MEP1A: variants seen among roughly 807,000 people sequenced by gnomAD.
MEP1A encodes meprin A subunit alpha.
A neutral mutation model predicts 84.5 loss-of-function variants in MEP1A; 68 were observed. The observed-to-expected ratio is 0.80, with a 90% CI of 0.66 to 0.98. MEP1A has a LOEUF of 0.98. Ranked by LOEUF, MEP1A falls within the 50% of genes least tolerant of loss-of-function variation. The pLI, the probability that MEP1A is intolerant of heterozygous loss-of-function variation, is 0.00. For missense variants in MEP1A, 887 were observed against 919.9 expected (o/e 0.96, Z 0.46); for synonymous variants, 337 against 336.8 (o/e 1.00, Z -0.01).
intron 1 of MEP1A, 36 bp downstream of exon 1, chr6:46,793,503 A>G: frequency 1.3e-6 from 2 of 1,595,702 alleles, no homozygotes; most frequent in Non-Finnish European, 1.7e-6. Context: ...ATTTAGAAAT[A>G]TTAATTCTAG....
intron 5 of MEP1A, among the ~76,000 whole-genome samples, 160 bp downstream of exon 5, chr6:46,799,341 C>G (rs1207106036): frequency 6.6e-6 from 1 of 152,198 alleles, no homozygotes; most frequent in Non-Finnish European, 1.5e-5. Context: ...AACATTACAT[C>G]AAAAGCATTG....
chr6:46,835,884 G>A (rs915982424), intron 13 of MEP1A, among the ~76,000 whole-genome samples: 3 of 152,064 alleles, frequency 2.0e-5, no homozygotes, highest in African/African-American at 7.2e-5. Context: ...CATGAGGGTG[G>A]GTCTCAAGAC....
At chr6:46,808,294 CA>C (rs1767411714) in intron 5 of MEP1A, among the ~76,000 whole-genome samples, 1 of 151,952 alleles carries the variant, frequency 6.6e-6, no homozygotes, top group Admixed American at 6.6e-5. Context: ...GTGTAGTTTC[CA>C]CAATTAGTTT....
intron 7 of MEP1A, 113 bp downstream of exon 7, chr6:46,819,817 A>C (rs756305181): frequency 1.3e-5 from 15 of 1,146,980 alleles, no homozygotes; most frequent in Non-Finnish European, 1.9e-5. Flanking sequence ...GGGAAGAAAG[A>C]CTCTGAAGAG....
Position 46,793,429 on chromosome 6 carries a change from T to G in MEP1A, c.31T>G (p.Phe11Val). 1 of 1,599,810 alleles carries G rather than the reference T, an allele frequency of 6.3e-7. No homozygotes were observed. Among genetic ancestry groups the G allele is most frequent in the South Asian group, 1.1e-5 (1 of 87,322 alleles). Residue 11 changes from phenylalanine (F) to valine (V), a missense_variant, in exon 1 of 14, where the codon TTT (phenylalanine) becomes GTT (valine). Coordinates refer to ENST00000230588, the MANE Select transcript of MEP1A (RefSeq NM_005588.3). MAWIRSTCIL[F>V]FTLLFAHIAA... ...TTGGATTAGATCCACTTGCATTCTC[T>G]TTTTTACCTTGCTTTTTGCCCACAT... is the stretch of plus-strand genomic sequence containing the variant.
At chr6:46,803,247 A>G (rs762906039) in intron 5 of MEP1A, among the ~76,000 whole-genome samples, 6 of 151,624 alleles carry the variant, frequency 4.0e-5, no homozygotes, top group Non-Finnish European at 7.4e-5. Context: ...TAATTATAGA[A>G]TTATTCTTAT....
At chr6:46,801,515 C>T (rs1441562584) in intron 5 of MEP1A, among the ~76,000 whole-genome samples, 2 of 151,848 alleles carry the variant, frequency 1.3e-5, no homozygotes, top group Non-Finnish European at 2.9e-5. Context: ...GGCTAAAGCC[C>T]TTTTTCAGAT....
chr6:46,807,840 G>GAAAGAAAGAAAGA lies in MEP1A; in HGVS notation c.263-1578_263-1577insAGAAAGAAAGAAA, dbSNP rs1562107182. 2.1e-4 allele frequency among the ~76,000 whole-genome samples: 23 copies of GAAAGAAAGAAAGA among 107,872 alleles called. 1 individual carries two copies. The highest frequency in any genetic ancestry group is 7.3e-4 in the East Asian group (3 of 4,126). 70.8% of individuals were successfully genotyped at this position (107,872 alleles called of 152,430 possible). ...GAAAGAAAGAAAGAAAGAAAGAAAGGAAGAAAGGAAATAAATCAGTCAAAT... is the reference window on the plus strand; with the variant it reads ...GAAAGAAAGAAAGAAAGAAAGAAAGGAAAGAAAGAAAGAAAGAAAGGAAATAAATCAGTCAAAT... On this transcript the variant is annotated intron_variant, in intron 5 of 13. Coordinates refer to ENST00000230588, the MANE Select transcript of MEP1A (RefSeq NM_005588.3).
chr6:46,794,449 G>A (rs190298601), intron 3 of MEP1A, among the ~76,000 whole-genome samples: 56 of 152,238 alleles, frequency 3.7e-4, no homozygotes, highest in African/African-American at 1.2e-3. Context: ...TTTGGGAAGC[G>A]ACAGGTGGCT....
chr6:46,809,748 T>C (rs1233138945), intron 6 of MEP1A, among the ~76,000 whole-genome samples: 1 of 151,962 alleles, frequency 6.6e-6, no homozygotes, highest in Admixed American at 6.6e-5. Context: ...CCATCCAGGT[T>C]GCTGTGAATG....
At position 46,835,517 on chromosome 6, in the gene MEP1A, C is replaced by A; in HGVS notation, c.2052C>A (p.Ile684=). The part of the protein sequence containing the change: ...CDPNPCQNDG[I]CVNVKGMASC... Reference sequence around the variant, plus strand: ...CAAACCCTTGCCAAAATGACGGCATCTGTGTGAACGTGAAGGGGATGGCGA... The same window carrying A: ...CAAACCCTTGCCAAAATGACGGCATATGTGTGAACGTGAAGGGGATGGCGA... Residue 684 remains isoleucine, a synonymous_variant, in exon 13 of 14, where the codon ATC becomes ATA. Coordinates refer to ENST00000230588, the MANE Select transcript of MEP1A (RefSeq NM_005588.3). 1.2e-6 allele frequency: 2 copies of A among 1,613,692 alleles called. No homozygotes were observed. Among genetic ancestry groups the A allele is most frequent in the Non-Finnish European group, 1.7e-6 (2 of 1,179,810 alleles).
intron 5 of MEP1A, among the ~76,000 whole-genome samples, chr6:46,808,376 C>T (rs1767413515): frequency 6.6e-6 from 1 of 151,986 alleles, no homozygotes; most frequent in Non-Finnish European, 1.5e-5. Flanking sequence ...GCTGTGGAGT[C>T]TCCAACTTGA....
At chr6:46,808,481 C>T (rs1767415490) in intron 5 of MEP1A, among the ~76,000 whole-genome samples, 1 of 152,068 alleles carries the variant, frequency 6.6e-6, no homozygotes, top group South Asian at 2.1e-4. Context: ...ATCAAATGTG[C>T]AAGAAATGTA....
At chr6:46,793,515 A>C (rs1419416135) in intron 1 of MEP1A, 37 bp from the exon 2 acceptor site, 1 of 1,579,376 alleles carries the variant, frequency 6.3e-7, no homozygotes, top group East Asian at 2.2e-5. Flanking sequence ...TAATTCTAGT[A>C]TACATTATCC....
downstream of MEP1A, among the ~76,000 whole-genome samples, chr6:46,842,339 C>T (rs777918363): frequency 4.6e-5 from 7 of 152,124 alleles, no homozygotes; most frequent in Non-Finnish European, 7.4e-5. Flanking sequence ...TTGCAGAGAG[C>T]GTATAAATGG....
chr6:46,806,164 A>G (rs1562106014), intron 5 of MEP1A, among the ~76,000 whole-genome samples: 1 of 152,024 alleles, frequency 6.6e-6, no homozygotes, highest in East Asian at 1.9e-4. Flanking sequence ...TTTGTCTGTT[A>G]AGTCTAACAT....
At chr6:46,833,579 A>G (rs755239346) in intron 11 of MEP1A, 41 bp downstream of exon 11, 2 of 1,423,384 alleles carry the variant, frequency 1.4e-6, no homozygotes, top group Admixed American at 1.7e-5. Flanking sequence ...CCCTTGAACC[A>G]GAGAGGCCCA....
intron 7 of MEP1A, among the ~76,000 whole-genome samples, chr6:46,825,027 AAATAGATCTATTTAAATATT>A (rs1767896964): frequency 1.1e-5 from 1 of 87,330 alleles, no homozygotes; most frequent in African/African-American, 3.4e-5. Context: ...TTATATATTT[AAATAGATCTATTTAAATATT>A]TATAAATTAT....
At chr6:46,798,995 CTGTT>C (rs748425863) in intron 4 of MEP1A, 107 bp from the exon 5 acceptor site, 3 of 715,428 alleles carry the variant, frequency 4.2e-6, no homozygotes, top group East Asian at 2.5e-5. Context: ...TGCCACTAAA[CTGTT>C]TGAGTTGTGT....
Sources: gnomAD v4.1 joint callset for allele counts (sites outside exome capture counted in the v4.1 genomes callset) on GRCh38, gnomAD v4.1.1 for gene constraint, MANE v1.5 for transcripts, NCBI Gene and HGNC (gene_info 2026-07-23, HGNC 2026-07-21) for gene names.